The following STAT4 variants were observed in gnomAD, a reference collection of about 807,000 sequenced individuals.
The protein encoded by STAT4 is signal transducer and activator of transcription 4.
A neutral mutation model predicts 110.5 loss-of-function variants in STAT4; 42 were observed. The observed-to-expected ratio is 0.38, with a 90% CI of 0.30 to 0.49. STAT4 has a LOEUF of 0.49. STAT4 is among the 20% of genes least tolerant of loss of function. STAT4 has a pLI of 0.95. For missense variants in STAT4, 632 were observed against 887.9 expected, an observed-to-expected ratio of 0.71 and a Z score of 3.66; for synonymous variants, 284 against 302.2, an observed-to-expected ratio of 0.94 and a Z score of 0.63.
rs528575790 is a variant in STAT4, at chr2:191,112,205, A to G, written c.273+34408T>C. On this transcript the variant is annotated intron_variant, in intron 3 of 23. Coordinates refer to ENST00000392320, the MANE Select transcript of STAT4 (RefSeq NM_003151.4). This position sits in a 1 kb window ranked among gnomAD's most constrained non-coding sequence, Gnocchi z 4.3. Reference sequence around the variant, plus strand: ...ATGTTTTTGGAGAAATAAAAAGACAAAATTTGGAGAAATTACCTACATGTA... The same window carrying G: ...ATGTTTTTGGAGAAATAAAAAGACAGAATTTGGAGAAATTACCTACATGTA... 1.3e-5 allele frequency among the ~76,000 whole-genome samples: 2 copies of G among 152,346 alleles called. No homozygotes were observed. Among genetic ancestry groups the G allele is most frequent in the East Asian group, 3.9e-4 (2 of 5,182 alleles).
rs1698238976 is a variant in STAT4 at position 191,104,980 on chromosome 2, G to T, written c.274-28655C>A. Among the ~76,000 whole-genome samples, 1 of 152,066 alleles carries T rather than the reference G, an allele frequency of 6.6e-6. No homozygotes were observed. Among genetic ancestry groups the T allele is most frequent in the Non-Finnish European group, 1.5e-5 (1 of 67,994 alleles). ...ATAATCAGAGTTGGCATTATTTTCA[G>T]GGAGAAGACCTGCTATACCCAAGGC... On this transcript the variant is annotated intron_variant, in intron 3 of 23. Coordinates refer to ENST00000392320, the MANE Select transcript of STAT4 (RefSeq NM_003151.4). The surrounding 1 kb of genome is among the most constrained non-coding windows in gnomAD (Gnocchi z 4.3).
At position 191,099,716 on chromosome 2, in the gene STAT4, T is replaced by C. The variant is rs1270449440; in HGVS notation, c.274-23391A>G. 6.6e-6 allele frequency among the ~76,000 whole-genome samples: 1 copy of C among 152,130 alleles called. No individual in the cohort carries two copies. Among genetic ancestry groups the C allele is most frequent in the African/African-American group, 2.4e-5 (1 of 41,440 alleles). Reference sequence around the variant, plus strand: ...AATTAGGTAAACATAGATACACATATGGAAAGGTTCACACTTGACTGTTAA... The same window carrying C: ...AATTAGGTAAACATAGATACACATACGGAAAGGTTCACACTTGACTGTTAA... On this transcript the variant is annotated intron_variant, in intron 3 of 23. Coordinates refer to ENST00000392320, the MANE Select transcript of STAT4 (RefSeq NM_003151.4). The surrounding 1 kb of genome is among the most constrained non-coding windows in gnomAD (Gnocchi z 4.1).
In STAT4 at chr2:191,148,113, G is replaced by A; in HGVS notation, c.91C>T (p.Arg31Trp). Residue 31 changes from arginine to tryptophan, a missense_variant, in exon 2 of 24, where the codon CGG becomes TGG. Around this residue, in one of 4 missense-constraint regions of STAT4, gnomAD observed 488 missense variants for 632.8 expected, o/e 0.77. Transcript: ENST00000392320. ...FYDDNFPMEI[R>W]HLLAQWIENQ... ...TCAATCCATTGGGCCAACAGATGCC[G>A]AATTTCCATGGGAAAGTTGTCATCA... is the stretch of plus-strand genomic sequence containing the variant. The A allele has an allele frequency of 6.2e-7, 1 of 1,613,848 alleles. No homozygotes were observed.
chr2:191,150,710 G>T lies in STAT4; in HGVS notation c.-2+237C>A, dbSNP rs543102809. Among the ~76,000 whole-genome samples the T allele has an allele frequency of 6.6e-6, 1 of 152,334 alleles. No homozygotes were observed. The highest frequency in any genetic ancestry group is 2.1e-4 in the South Asian group (1 of 4,822). Reference sequence around the variant, plus strand: ...CCGCAGCTCCCCTGGCCCCCGCAGGGAGATTCGCCCGGGCACCGTGGCGCG... The same window carrying T: ...CCGCAGCTCCCCTGGCCCCCGCAGGTAGATTCGCCCGGGCACCGTGGCGCG... On this transcript the variant is annotated intron_variant, in intron 1 of 23. Coordinates refer to ENST00000392320, the MANE Select transcript of STAT4 (RefSeq NM_003151.4). This position sits in a 1 kb window ranked among gnomAD's most constrained non-coding sequence, Gnocchi z 6.4.
At chr2:191,084,852 T>A (rs900890257) in intron 3 of STAT4, among the ~76,000 whole-genome samples, 7 of 151,918 alleles carry the variant, frequency 4.6e-5, no homozygotes, top group Non-Finnish European at 1.0e-4. Flanking sequence ...TAATAAAAAA[T>A]TATAAAAATA....
At chr2:191,101,743 T>C (rs186476094) in intron 3 of STAT4, among the ~76,000 whole-genome samples, 97 of 152,212 alleles carry the variant, frequency 6.4e-4, no homozygotes, top group Admixed American at 3.9e-4. Flanking sequence ...TATTACTTGG[T>C]ACATACTGAC....
rs1696023311 is a variant in STAT4, at chr2:191,035,650, G to C, written c.1570+514C>G. On this transcript the variant is annotated intron_variant, in intron 17 of 23. Coordinates refer to ENST00000392320, the MANE Select transcript of STAT4 (RefSeq NM_003151.4). The surrounding 1 kb of genome is among the most constrained non-coding windows in gnomAD (Gnocchi z 4.7). ...TCTCAGTCAAAGCTGAAACTTTCTT[G>C]GTATGCAGAATTAAGTATTGCCCAG... Among the ~76,000 whole-genome samples, 1 of 152,176 alleles carries C rather than the reference G, an allele frequency of 6.6e-6. No individual in the cohort carries two copies. Among genetic ancestry groups the C allele is most frequent in the Admixed American group, 6.5e-5 (1 of 15,284 alleles).
At chr2:191,045,883 CA>C in intron 14 of STAT4, among the ~76,000 whole-genome samples, 1 of 152,278 alleles carries the variant, frequency 6.6e-6, no homozygotes, top group South Asian at 2.1e-4. Flanking sequence ...AAAGTACTCC[CA>C]GCACGTCAAC....
At chr2:191,145,324 T>A (rs1699433894) in intron 3 of STAT4, among the ~76,000 whole-genome samples, 2 of 152,194 alleles carry the variant, frequency 1.3e-5, no homozygotes, top group Admixed American at 1.3e-4. Flanking sequence ...AATTTTATGA[T>A]CTATTTTATT....
In STAT4 at chr2:191,142,782, A is replaced by G. The variant is rs1699370308; in HGVS notation, c.273+3831T>C. 6.6e-6 allele frequency among the ~76,000 whole-genome samples: 1 copy of G among 152,152 alleles called. No individual in the cohort carries two copies. The highest frequency in any genetic ancestry group is 2.1e-4 in the South Asian group (1 of 4,826). ...TATCACATGGGAGAAAAATCCAGAG[A>G]GTGAAAAGATCGGTAGTGTTCAGGG... is the stretch of plus-strand genomic sequence containing the variant. On this transcript the variant is annotated intron_variant, in intron 3 of 23. Coordinates refer to ENST00000392320, the MANE Select transcript of STAT4 (RefSeq NM_003151.4). The surrounding 1 kb of genome is among the most constrained non-coding windows in gnomAD (Gnocchi z 4.1).
chr2:191,090,308 C>T lies in STAT4; in HGVS notation c.274-13983G>A, dbSNP rs561678593. 2.0e-5 allele frequency among the ~76,000 whole-genome samples: 3 copies of T among 152,212 alleles called. No individual in the cohort carries two copies. Among genetic ancestry groups the T allele is most frequent in the East Asian group, 3.9e-4 (2 of 5,180 alleles). On this transcript the variant is annotated intron_variant, in intron 3 of 23. Coordinates refer to ENST00000392320, the MANE Select transcript of STAT4 (RefSeq NM_003151.4). This position sits in a 1 kb window ranked among gnomAD's most constrained non-coding sequence, Gnocchi z 4.2. ...TATGCCCTCCTTATGCTATTCCTCT[C>T]ACCAGAAATGAATGAATTCGAATGA...
At chr2:191,064,003 T>C (rs1408967705) in intron 8 of STAT4, among the ~76,000 whole-genome samples, 2 of 152,224 alleles carry the variant, frequency 1.3e-5, no homozygotes, top group Non-Finnish European at 2.9e-5. Flanking sequence ...TTCAATCAAA[T>C]AGTTTTATTT....
intron 5 of STAT4, among the ~76,000 whole-genome samples, chr2:191,070,307 A>G (rs1400656): frequency 0.061 from 9,251 of 152,072 alleles, 345 homozygotes; most frequent in Middle Eastern, 0.12. Flanking sequence ...AAACCTGGTG[A>G]TGTTTTCCTG....
At chr2:191,088,576 G>A (rs1486811620) in intron 3 of STAT4, among the ~76,000 whole-genome samples, 2 of 152,136 alleles carry the variant, frequency 1.3e-5, no homozygotes, top group East Asian at 3.8e-4. Flanking sequence ...TCTGGATAAT[G>A]ACTAATTTTA....
chr2:191,095,801 A>AATCAAT (rs1697955397), intron 3 of STAT4, among the ~76,000 whole-genome samples: 1 of 152,200 alleles, frequency 6.6e-6, no homozygotes, highest in Admixed American at 6.5e-5. Context: ...CACACAAAAA[A>AATCAAT]ATCCTTCAAA....
At position 191,066,120 on chromosome 2, in the gene STAT4, C is replaced by T. The variant is rs1052617405; in HGVS notation, c.630+310G>A. 2.0e-5 allele frequency among the ~76,000 whole-genome samples: 3 copies of T among 152,106 alleles called. No individual in the cohort carries two copies. Among genetic ancestry groups the T allele is most frequent in the African/African-American group, 7.2e-5 (3 of 41,400 alleles). Reference sequence around the variant, plus strand: ...GGAACCCATCTCAGCATATTAAGTACAGCAACTGAAACAGCCACGTCTGAA... The same window carrying T: ...GGAACCCATCTCAGCATATTAAGTATAGCAACTGAAACAGCCACGTCTGAA... On this transcript the variant is annotated intron_variant, in intron 7 of 23. Transcript: ENST00000392320. The surrounding 1 kb of genome is among the most constrained non-coding windows in gnomAD (Gnocchi z 4.3).
At chr2:191,047,751 C>T (rs1335082968) in intron 14 of STAT4, among the ~76,000 whole-genome samples, 2 of 152,108 alleles carry the variant, frequency 1.3e-5, no homozygotes, top group Non-Finnish European at 2.9e-5. Context: ...CTGCAACCTC[C>T]ACCTCCCGGG....
intron 1 of STAT4, among the ~76,000 whole-genome samples, chr2:191,148,894 T>C (rs1699523128): frequency 6.6e-6 from 1 of 152,202 alleles, no homozygotes; most frequent in Admixed American, 6.5e-5. Flanking sequence ...GATGTAGTCT[T>C]TTTGTCTCTG....
At chr2:191,085,995 A>G (rs1263645730) in intron 3 of STAT4, among the ~76,000 whole-genome samples, 1 of 152,114 alleles carries the variant, frequency 6.6e-6, no homozygotes, top group Admixed American at 6.6e-5. Context: ...TTTGAAACAT[A>G]TTTCTTTCTC....
Sources: allele counts gnomAD v4.1 joint callset (sites outside exome capture counted in the v4.1 genomes callset), GRCh38; gene constraint gnomAD v4.1.1; regional missense constraint gnomAD v4.1.1; non-coding constraint Gnocchi (gnomAD v3.1); transcripts MANE v1.5; gene names NCBI Gene and HGNC (gene_info 2026-07-23, HGNC 2026-07-21).